PSMD11: variants seen among roughly 807,000 people sequenced by gnomAD.
PSMD11 encodes 26S proteasome non-ATPase regulatory subunit 11.
PSMD11 carries 5 observed loss-of-function variants against 62.3 expected under a neutral mutation model. The ratio of observed to expected loss-of-function variants is 0.08; its 90% confidence interval spans 0.04 to 0.17. The LOEUF is 0.17. Among genes scored for constraint, PSMD11 ranks in the 10% least tolerant of loss-of-function variants. The pLI is 1.00. For missense variants in PSMD11, 310 were observed against 512.9 expected (o/e 0.60, Z 3.82); for synonymous variants, 191 against 191.8 (o/e 1.00, Z 0.03).
intron 6 of PSMD11, 95 bp from the exon 7 acceptor site, chr17:32,473,706 G>A: frequency 7.7e-7 from 1 of 1,290,502 alleles, no homozygotes; most frequent in Non-Finnish European, 1.1e-6. Context: ...GAGCCACCGT[G>A]CCCATTTAGG....
rs1307458833 is a variant in PSMD11, at chr17:32,446,962, G to A, written c.109G>A (p.Glu37Lys). The A allele has an allele frequency of 6.2e-7, 1 of 1,611,438 alleles. No homozygotes were observed. Reference protein sequence around the residue: ...LHSIVKRDIQENDEEAVQVKE... With the variant: ...LHSIVKRDIQKNDEEAVQVKE... Reference sequence around the variant, plus strand: ...TCTCCCAGTGAAGCGTGACATTCAGGAAAACGATGAAGAGGCAGTGCAAGT... The same window carrying A: ...TCTCCCAGTGAAGCGTGACATTCAGAAAAACGATGAAGAGGCAGTGCAAGT... The change falls in exon 2 of 14, where the codon GAA becomes AAA. Residue 37 changes from glutamate (E) to lysine (K), a missense_variant. Glu to Lys is a moderately conservative substitution (Grantham distance 56, BLOSUM62 1). Coordinates refer to ENST00000261712, the MANE Select transcript of PSMD11 (RefSeq NM_002815.4).
Position 32,479,354 on chromosome 17 carries a change from T to C in PSMD11, c.1016T>C (p.Ile339Thr). 1 of 1,614,146 alleles carries C rather than the reference T, an allele frequency of 6.2e-7. No homozygotes were observed. Among genetic ancestry groups the C allele is most frequent in the Non-Finnish European group, 8.5e-7 (1 of 1,180,022 alleles). ...CTAGAACAGAATCTGATCCGAGTCATTGAGCCTTTTTCCAGAGTACAGGTG... is the reference window on the plus strand; with the variant it reads ...CTAGAACAGAATCTGATCCGAGTCACTGAGCCTTTTTCCAGAGTACAGGTG... Reference protein sequence around the residue: ...NLLEQNLIRVIEPFSRVQIEH... With the variant: ...NLLEQNLIRVTEPFSRVQIEH... The change falls in exon 10 of 14, where the codon ATT becomes ACT. Residue 339 changes from isoleucine to threonine, a missense_variant. This residue lies in a region of PSMD11 where 135 missense variants were observed against 195.4 expected (regional missense o/e 0.69). Coordinates refer to ENST00000261712, the MANE Select transcript of PSMD11 (RefSeq NM_002815.4).
chr17:32,474,944 C>A, intron 8 of PSMD11, 120 bp downstream of exon 8: 1 of 916,848 alleles, frequency 1.1e-6, no homozygotes, highest in Non-Finnish European at 1.7e-6. Flanking sequence ...TTCTGCCCCA[C>A]TCACTTCCTT....
intron 3 of PSMD11, among the ~76,000 whole-genome samples, chr17:32,461,471 T>G (rs1907841562): frequency 6.6e-6 from 1 of 151,424 alleles, no homozygotes; most frequent in Non-Finnish European, 1.5e-5. Context: ...CTCAGGAGGC[T>G]GAGGCAGGAG....
chr17:32,460,500 C>T (rs181725974), intron 3 of PSMD11, among the ~76,000 whole-genome samples: 295 of 152,280 alleles, frequency 1.9e-3, no homozygotes, highest in Non-Finnish European at 3.1e-3. Context: ...TCTGGTCAGG[C>T]ATGGTGGCTC....
At chr17:32,456,211 A>G (rs1199763394) in intron 3 of PSMD11, among the ~76,000 whole-genome samples, 4 of 152,112 alleles carry the variant, frequency 2.6e-5, no homozygotes, top group African/African-American at 9.7e-5. Flanking sequence ...GTACCTTAAA[A>G]TAGACTGATC....
chr17:32,473,127 C>T (rs1162877445), intron 6 of PSMD11, among the ~76,000 whole-genome samples: 1 of 150,566 alleles, frequency 6.6e-6, no homozygotes, highest in Non-Finnish European at 1.5e-5. Context: ...CATTGCACTC[C>T]AGCCTCAGTG....
At chr17:32,467,059 C>T (rs1360040325) in intron 5 of PSMD11, among the ~76,000 whole-genome samples, 1 of 151,782 alleles carries the variant, frequency 6.6e-6, no homozygotes, top group African/African-American at 2.4e-5. Context: ...ATTCTCCTGC[C>T]TCAGCCTCCC....
intron 9 of PSMD11, among the ~76,000 whole-genome samples, chr17:32,478,214 G>C (rs1389869033): frequency 6.6e-6 from 1 of 152,176 alleles, no homozygotes; most frequent in African/African-American, 2.4e-5. Flanking sequence ...TTTAGTCTGA[G>C]TATAATGATC....
At chr17:32,460,867 T>TTGC (rs1907814721) in intron 3 of PSMD11, among the ~76,000 whole-genome samples, 2 of 151,868 alleles carry the variant, frequency 1.3e-5, no homozygotes, top group African/African-American at 4.8e-5. Flanking sequence ...GTTTGGAGCC[T>TTGC]AGAAAGTGAG....
chr17:32,444,559 C>G lies in PSMD11; in HGVS notation c.36C>G (p.Ala12=). Residue 12 remains alanine (A), a synonymous_variant, in exon 1 of 14, where the codon GCC becomes GCG. Coordinates refer to ENST00000261712, the MANE Select transcript of PSMD11 (RefSeq NM_002815.4). ...AAAAVVEFQR[A]QSLLSTDREA... ...CGGCGGTGGTGGAGTTCCAGAGAGC[C>G]CAGTCTCTACTCAGCACCGACCGGG... 4 of 1,611,504 alleles carry G rather than the reference C, an allele frequency of 2.5e-6. No homozygotes were observed. The highest frequency in any genetic ancestry group is 3.4e-6 in the Non-Finnish European group (4 of 1,179,212).
At chr17:32,459,111 A>AAAACATATATATATATAT (rs1404996945) in intron 3 of PSMD11, among the ~76,000 whole-genome samples, 2 of 43,778 alleles carry the variant, frequency 4.6e-5, no homozygotes. Flanking sequence ...AAAAAAAAAA[A>AAAACATATATATATATAT]ATACATATAT....
intron 2 of PSMD11, among the ~76,000 whole-genome samples, chr17:32,449,335 G>A (rs1266891538): frequency 2.0e-5 from 3 of 152,126 alleles, no homozygotes; most frequent in Non-Finnish European, 2.9e-5. Flanking sequence ...AGCCGAGGAG[G>A]TTGAGGCTGT....
intron 7 of PSMD11, 74 bp downstream of exon 7, chr17:32,474,019 C>G: frequency 6.4e-7 from 1 of 1,558,314 alleles, no homozygotes; most frequent in Non-Finnish European, 8.8e-7. Context: ...CAGAGATGGC[C>G]TGAGCAGGGA....
At chr17:32,456,143 CAA>C (rs551469411) in intron 3 of PSMD11, among the ~76,000 whole-genome samples, 9 of 58,226 alleles carry the variant, frequency 1.5e-4, no homozygotes, top group African/African-American at 1.3e-4. Flanking sequence ...GACTCTGTCT[CAA>C]AAAAAAAAAA....
intron 7 of PSMD11, chr17:32,474,190 CTCA>C (rs1908254392): frequency 1.8e-6 from 1 of 542,200 alleles, no homozygotes; most frequent in African/African-American, 1.9e-5. Flanking sequence ...GAGAATTCTC[CTCA>C]TCCTTTAAAT....
chr17:32,463,301 A>C (rs1907894582), intron 3 of PSMD11: 1 of 152,180 alleles, frequency 6.6e-6, no homozygotes, highest in Non-Finnish European at 1.5e-5. Flanking sequence ...AGTGCCTTTA[A>C]ATAAAGCTTA....
At chr17:32,451,206 ACT>A (rs1274332559) in intron 2 of PSMD11, among the ~76,000 whole-genome samples, 2 of 152,136 alleles carry the variant, frequency 1.3e-5, no homozygotes, top group Admixed American at 6.6e-5. Flanking sequence ...GAAGGATAAC[ACT>A]CAGTGCTTAG....
At chr17:32,474,083 T>A in intron 7 of PSMD11, 138 bp downstream of exon 7, 1 of 1,031,922 alleles carries the variant, frequency 9.7e-7, no homozygotes, top group Non-Finnish European at 1.4e-6. Context: ...CTGGCTAAGG[T>A]AGAGCGGGAG....
Sources: allele counts gnomAD v4.1 joint callset (sites outside exome capture counted in the v4.1 genomes callset), GRCh38; gene constraint gnomAD v4.1.1; regional missense constraint gnomAD v4.1.1; transcripts MANE v1.5; gene names NCBI Gene and HGNC (gene_info 2026-07-23, HGNC 2026-07-21).